The following SMG6 variants were observed in gnomAD, a reference collection of about 807,000 sequenced individuals.
SMG6 encodes the protein telomerase-binding protein EST1A.
A neutral mutation model predicts 142.2 loss-of-function variants in SMG6; 66 were observed. The observed-to-expected ratio is 0.46, with a 90% CI of 0.38 to 0.57. The LOEUF (loss-of-function observed/expected upper bound fraction) is 0.57. Ranked by LOEUF, SMG6 falls within the 20% of genes least tolerant of loss-of-function variation. The pLI, the probability that SMG6 is intolerant of heterozygous loss-of-function variation, is 0.00. For synonymous variants in SMG6, 779 were observed against 702.4 expected (o/e 1.11, Z -1.72); for missense variants, 1,793 against 1,832.0 (o/e 0.98, Z 0.39).
intron 12 of SMG6, among the ~76,000 whole-genome samples, chr17:2,174,219 T>C (rs1211471261): frequency 2.0e-5 from 3 of 152,138 alleles, no homozygotes; most frequent in African/African-American, 7.2e-5. Flanking sequence ...GGCAACACAG[T>C]GAGACCCTCT....
chr17:2,179,586 T>G (rs982520939), intron 12 of SMG6, among the ~76,000 whole-genome samples: 1 of 152,084 alleles, frequency 6.6e-6, no homozygotes, highest in African/African-American at 2.4e-5. Context: ...TCTAGAGTTT[T>G]TTTTTTTTTA....
chr17:2,227,206 C>T (rs2073344943), intron 10 of SMG6, among the ~76,000 whole-genome samples: 1 of 152,120 alleles, frequency 6.6e-6, no homozygotes, highest in Non-Finnish European at 1.5e-5. Flanking sequence ...CCATATGATC[C>T]GGCAAGTCCA....
chr17:2,139,519 T>C (rs912395332), intron 13 of SMG6, among the ~76,000 whole-genome samples: 1 of 149,510 alleles, frequency 6.7e-6, no homozygotes, highest in Non-Finnish European at 1.5e-5. Context: ...CCTCCCGGCA[T>C]CAAGCGATTC....
intron 10 of SMG6, among the ~76,000 whole-genome samples, chr17:2,231,680 G>A (rs939748875): frequency 2.6e-5 from 4 of 152,024 alleles, no homozygotes; most frequent in African/African-American, 9.7e-5. Flanking sequence ...CTGGGCGACA[G>A]AGCAAGATTC....
intron 8 of SMG6, among the ~76,000 whole-genome samples, chr17:2,248,360 T>C (rs1343425414): frequency 6.6e-6 from 1 of 152,160 alleles, no homozygotes; most frequent in African/African-American, 2.4e-5. Flanking sequence ...CGTTCAAGTT[T>C]TGCTTTTAAG....
chr17:2,303,605 G>A, intron 1 of SMG6, 28 bp downstream of exon 1: 4 of 1,413,526 alleles, frequency 2.8e-6, no homozygotes, highest in Non-Finnish European at 3.7e-6. Context: ...GGGCAGGCCC[G>A]GCCCAGGAGC....
intron 12 of SMG6, among the ~76,000 whole-genome samples, chr17:2,185,426 T>C (rs187948944): frequency 1.9e-4 from 29 of 152,066 alleles, no homozygotes; most frequent in Non-Finnish European, 2.8e-4. Context: ...CACAACACTC[T>C]GTAAATGTAA....
intron 10 of SMG6, among the ~76,000 whole-genome samples, chr17:2,227,879 G>A (rs1333670077): frequency 6.6e-6 from 1 of 152,122 alleles, no homozygotes; most frequent in African/African-American, 2.4e-5. Context: ...TGGAAAAATG[G>A]ATAAACTAAT....
At chr17:2,088,849 A>G in intron 13 of SMG6, 3 of 985,294 alleles carry the variant, frequency 3.0e-6, no homozygotes, top group Non-Finnish European at 2.4e-6. Flanking sequence ...TGGGGGGAAT[A>G]AGCCCACTGG....
intron 10 of SMG6, among the ~76,000 whole-genome samples, chr17:2,222,611 C>A (rs1384591714): frequency 8.1e-6 from 1 of 123,820 alleles, no homozygotes; most frequent in Non-Finnish European, 1.6e-5. Flanking sequence ...AATAATGTGG[C>A]TTTTACACTG....
chr17:2,152,961 T>C (rs1288261027), intron 13 of SMG6, among the ~76,000 whole-genome samples: 1 of 152,172 alleles, frequency 6.6e-6, no homozygotes, highest in Non-Finnish European at 1.5e-5. Flanking sequence ...AAACAAATCA[T>C]AGTGTATGTA....
intron 1 of SMG6, 31 bp downstream of exon 1, chr17:2,303,602 C>T: frequency 7.1e-7 from 1 of 1,411,702 alleles, no homozygotes; most frequent in Non-Finnish European, 9.2e-7. Flanking sequence ...GGCGGGCAGG[C>T]CCGGCCCAGG....
At chr17:2,302,514 C>A (rs1384419501) in intron 1 of SMG6, among the ~76,000 whole-genome samples, 1 of 152,204 alleles carries the variant, frequency 6.6e-6, no homozygotes, top group East Asian at 1.9e-4. Flanking sequence ...GCACTCCAGC[C>A]TGGGCGACAG....
chr17:2,294,453 C>G (rs963427342), intron 4 of SMG6, among the ~76,000 whole-genome samples: 1 of 152,230 alleles, frequency 6.6e-6, no homozygotes, highest in East Asian at 1.9e-4. Flanking sequence ...CTGCTTACCT[C>G]ATCAGCACCA....
chr17:2,205,024 A>G (rs996642746), intron 10 of SMG6, among the ~76,000 whole-genome samples: 4 of 152,018 alleles, frequency 2.6e-5, no homozygotes, highest in African/African-American at 9.7e-5. Context: ...TTGTCAATAC[A>G]CTTACCGAAA....
intron 8 of SMG6, among the ~76,000 whole-genome samples, chr17:2,256,913 C>T (rs2074194313): frequency 6.6e-6 from 1 of 151,026 alleles, no homozygotes; most frequent in Admixed American, 6.6e-5. Context: ...TTTAAATCCA[C>T]TTCTTTTTGG....
At chr17:2,253,159 T>TTTA (rs1567720216) in intron 8 of SMG6, among the ~76,000 whole-genome samples, 7,546 of 109,970 alleles carry the variant, frequency 0.069, 324 homozygotes, top group African/African-American at 0.12. Flanking sequence ...TTATTTATTT[T>TTTA]GAGATGGAGT....
intron 6 of SMG6, among the ~76,000 whole-genome samples, chr17:2,291,101 G>A (rs1488230433): frequency 6.6e-6 from 1 of 152,174 alleles, no homozygotes; most frequent in Admixed American, 6.5e-5. Flanking sequence ...GGAGGCCGAG[G>A]CGGGCGGATC....
At chr17:2,066,035 G>A (rs1294715037) in intron 16 of SMG6, 1 of 273,466 alleles carries the variant, frequency 3.7e-6, no homozygotes, top group African/African-American at 2.2e-5. Context: ...TCCAGGGTAT[G>A]CAGCAGCTCG....
Sources: allele counts gnomAD v4.1 joint callset (sites outside exome capture counted in the v4.1 genomes callset), GRCh38; gene constraint gnomAD v4.1.1; transcripts MANE v1.5; gene names NCBI Gene and HGNC (gene_info 2026-07-23, HGNC 2026-07-21).